The following ZNF638 variants were observed in gnomAD, a reference collection of about 807,000 sequenced individuals.
ZNF638 encodes the protein zinc finger protein 638.
A neutral mutation model predicts 195.6 loss-of-function variants in ZNF638; 46 were observed. The observed-to-expected ratio is 0.24, with a 90% CI of 0.19 to 0.30. The LOEUF is 0.30. Ranked by LOEUF, ZNF638 falls within the 10% of genes least tolerant of loss-of-function variation. The pLI is 1.00. For synonymous variants in ZNF638, 845 were observed against 772.0 expected, an observed-to-expected ratio of 1.09 and a Z score of -1.57; for missense variants, 2,440 against 2,325.3, an observed-to-expected ratio of 1.05 and a Z score of -1.01.
chr2:71,411,419 G>A (rs1190391583), intron 20 of ZNF638, among the ~76,000 whole-genome samples: 1 of 147,960 alleles, frequency 6.8e-6, no homozygotes, highest in Non-Finnish European at 1.5e-5. Flanking sequence ...ATTTTTCTGA[G>A]GATGTTCTTT....
chr2:71,419,614 T>G (rs946045132), intron 21 of ZNF638, among the ~76,000 whole-genome samples: 5 of 152,190 alleles, frequency 3.3e-5, no homozygotes, highest in Non-Finnish European at 5.9e-5. Flanking sequence ...AAGTTGTATG[T>G]CATACCAGGT....
chr2:71,383,882 G>A (rs1573089710), intron 10 of ZNF638, among the ~76,000 whole-genome samples: 1 of 146,642 alleles, frequency 6.8e-6, no homozygotes, highest in East Asian at 2.0e-4. Context: ...GATTACAGGT[G>A]TGAGCCACCA....
At position 71,430,819 on chromosome 2, in the gene ZNF638, A is replaced by G. The variant is rs1165243672; in HGVS notation, c.5651-508A>G. 3.3e-5 allele frequency among the ~76,000 whole-genome samples: 5 copies of G among 152,194 alleles called. No homozygotes were observed. The East Asian group carries it at 9.6e-4, about 29-fold the overall frequency. On this transcript the variant is annotated intron_variant, in intron 25 of 27. Transcript: ENST00000264447. ...ATCATAGTATGCAGAGTCTGCTAAC[A>G]TTGAGTGCTTCTTACGTGTTACTCA... is the stretch of plus-strand genomic sequence containing the variant.
chr2:71,396,309 A>G, intron 11 of ZNF638, 118 bp downstream of exon 11: 1 of 737,210 alleles, frequency 1.4e-6, no homozygotes, highest in Non-Finnish European at 2.2e-6. Context: ...ATGCATGCTA[A>G]TCTTTGAGAT....
At chr2:71,369,775 G>T in intron 7 of ZNF638, 108 bp from the exon 8 acceptor site, 1 of 1,083,634 alleles carries the variant, frequency 9.2e-7, no homozygotes, top group African/African-American at 1.6e-5. Context: ...CATGACTTGA[G>T]GTAGTTTCAT....
chr2:71,335,849 AC>A (rs2078657115), intron 1 of ZNF638, among the ~76,000 whole-genome samples: 1 of 152,046 alleles, frequency 6.6e-6, no homozygotes, highest in South Asian at 2.1e-4. Context: ...GTAACTCACT[AC>A]CTCCCACCCC....
chr2:71,358,678 A>G (rs1022854978), intron 3 of ZNF638, among the ~76,000 whole-genome samples: 9 of 152,102 alleles, frequency 5.9e-5, no homozygotes, highest in African/African-American at 1.9e-4. Context: ...ATGCCTTCAC[A>G]GTTTCTTACC....
At chr2:71,332,147 C>G (rs534592234) in intron 1 of ZNF638, among the ~76,000 whole-genome samples, 2 of 152,344 alleles carry the variant, frequency 1.3e-5, no homozygotes, top group East Asian at 3.9e-4. Context: ...GACCCTGCCT[C>G]GAGAAGAGCT....
At chr2:71,367,290 G>A (rs1346418352) in intron 6 of ZNF638, among the ~76,000 whole-genome samples, 1 of 151,184 alleles carries the variant, frequency 6.6e-6, no homozygotes. Context: ...TGGGGGTCTC[G>A]CTTTCTCACC....
chr2:71,399,964 T>C, intron 13 of ZNF638, 148 bp from the exon 14 acceptor site: 2 of 613,898 alleles, frequency 3.3e-6, no homozygotes, highest in Non-Finnish European at 5.3e-6. Flanking sequence ...GATTGCTGTC[T>C]TTTGTTTTTC....
intron 10 of ZNF638, among the ~76,000 whole-genome samples, chr2:71,391,503 T>C (rs1377051885): frequency 1.3e-5 from 2 of 152,206 alleles, no homozygotes; most frequent in Admixed American, 6.5e-5. Context: ...TTGTAGATGA[T>C]ATTTTACTAG....
At position 71,410,420 on chromosome 2, in the gene ZNF638, A is replaced by G. The variant is rs1297399943; in HGVS notation, c.3261+2173A>G. On this transcript the variant is annotated intron_variant, in intron 20 of 27. Coordinates refer to ENST00000264447, the MANE Select transcript of ZNF638 (RefSeq NM_014497.5). Reference sequence around the variant, plus strand: ...TAGATGGGGTCTCATTGTGTTGCCCAGGCTGGTCTCAAACTTCTGGCCTGA... The same window carrying G: ...TAGATGGGGTCTCATTGTGTTGCCCGGGCTGGTCTCAAACTTCTGGCCTGA... Among the ~76,000 whole-genome samples the G allele has an allele frequency of 2.6e-5, 4 of 151,116 alleles. No individual in the cohort carries two copies. In the East Asian group the frequency reaches 7.9e-4, roughly 30 times the overall value.
chr2:71,345,002 C>T (rs999867189), intron 1 of ZNF638, among the ~76,000 whole-genome samples: 4 of 152,122 alleles, frequency 2.6e-5, no homozygotes, highest in African/African-American at 9.7e-5. Context: ...TTATCCATGG[C>T]TATACTTTCT....
chr2:71,387,535 G>C (rs1177209072), intron 10 of ZNF638, among the ~76,000 whole-genome samples: 1 of 152,042 alleles, frequency 6.6e-6, no homozygotes, highest in Non-Finnish European at 1.5e-5. Flanking sequence ...GCTGGGTGTG[G>C]TGGTGCTCTC....
At chr2:71,352,444 C>T (rs1356307302) in intron 2 of ZNF638, among the ~76,000 whole-genome samples, 1 of 149,920 alleles carries the variant, frequency 6.7e-6, no homozygotes, top group Non-Finnish European at 1.5e-5. Flanking sequence ...CGCCGCTGCA[C>T]TCCAGCCTGG....
chr2:71,382,467 A>T (rs1250708756), intron 10 of ZNF638, among the ~76,000 whole-genome samples: 1 of 152,214 alleles, frequency 6.6e-6, no homozygotes, highest in Admixed American at 6.5e-5. Context: ...GAAGAGTGAC[A>T]GGAAGAGTTA....
At chr2:71,410,688 A>C (rs192118390) in intron 20 of ZNF638, among the ~76,000 whole-genome samples, 91 of 152,310 alleles carry the variant, frequency 6.0e-4, no homozygotes, top group African/African-American at 2.1e-3. Context: ...AATTGAGATA[A>C]AAAGAGAATG....
At position 71,349,292 on chromosome 2, in the gene ZNF638, C is replaced by G; in HGVS notation, c.338C>G (p.Ser113Ter). The change falls in exon 2 of 28, where the codon TCA (serine) becomes TGA (stop). Residue 113 changes from serine to a stop codon, truncating the protein, a stop_gained. Coordinates refer to ENST00000264447, the MANE Select transcript of ZNF638 (RefSeq NM_014497.5). LOFTEE classifies it high-confidence loss of function. The stretch of plus-strand genomic sequence containing the variant: ...GATGATGAGCCTCATATATCTGCAT[C>G]AGTGGCAGTGAAACAGAGTTCTGTA... The part of the protein sequence containing the change: ...RWDDEPHISA[S>*]VAVKQSSVTQ... 6.2e-7 allele frequency: 1 copy of G among 1,614,162 alleles called. No individual in the cohort carries two copies. Among genetic ancestry groups the G allele is most frequent in the Non-Finnish European group, 8.5e-7 (1 of 1,180,026 alleles).
intron 20 of ZNF638, among the ~76,000 whole-genome samples, chr2:71,411,778 AT>A: frequency 2.0e-5 from 1 of 49,094 alleles, no homozygotes; most frequent in Admixed American, 2.5e-4. Context: ...TTCCAATTTC[AT>A]CCATGTCCCT....
Sources: gnomAD v4.1 joint callset for allele counts (sites outside exome capture counted in the v4.1 genomes callset) on GRCh38, gnomAD v4.1.1 for gene constraint, MANE v1.5 for transcripts, NCBI Gene and HGNC (gene_info 2026-07-23, HGNC 2026-07-21) for gene names.